ADGRA2: variants seen among roughly 807,000 people sequenced by gnomAD.
ADGRA2 encodes G-protein coupled receptor 124.
A neutral mutation model predicts 98.7 loss-of-function variants in ADGRA2; 61 were observed. That is an observed-to-expected ratio of 0.62 (90% confidence interval 0.50 to 0.76). The LOEUF is 0.76. ADGRA2 is among the 30% of genes least tolerant of loss of function. The pLI is 0.00. For synonymous variants in ADGRA2, 858 were observed against 831.5 expected, an observed-to-expected ratio of 1.03 and a Z score of -0.55; for missense variants, 1,712 against 1,860.0, an observed-to-expected ratio of 0.92 and a Z score of 1.46.
chr8:37,827,646 G>A (rs575877387), intron 2 of ADGRA2, among the ~76,000 whole-genome samples: 2 of 152,358 alleles, frequency 1.3e-5, no homozygotes, highest in South Asian at 4.1e-4. Flanking sequence ...GAGACCCATG[G>A]AGAAGACAGG....
chr8:37,830,701 C>T lies in ADGRA2; in HGVS notation c.719-9C>T. ...ACTCGGGCCTCACGCCTGGTGTCTC[C>T]TCCCACAGAGGGGGCCCTGGAGCTG... On this transcript the variant is annotated splice_polypyrimidine_tract_variant and intron_variant, in intron 6 of 18. Transcript: ENST00000412232. The surrounding 1 kb of genome is among the most constrained non-coding windows in gnomAD (Gnocchi z 4.8). 1 of 1,588,132 alleles carries T rather than the reference C, an allele frequency of 6.3e-7. No individual in the cohort carries two copies. Among genetic ancestry groups the T allele is most frequent in the Non-Finnish European group, 8.6e-7 (1 of 1,167,044 alleles).
chr8:37,830,548 A>T lies in ADGRA2; in HGVS notation c.719-162A>T, dbSNP rs1353976868. Among the ~76,000 whole-genome samples, 1 of 151,418 alleles carries T rather than the reference A, an allele frequency of 6.6e-6. No homozygotes were observed. The highest frequency in any genetic ancestry group is 2.4e-5 in the African/African-American group (1 of 41,134). On this transcript the variant is annotated intron_variant, in intron 6 of 18. Transcript: ENST00000412232. The surrounding 1 kb of genome is among the most constrained non-coding windows in gnomAD (Gnocchi z 4.8). ...CCGCCTGTCCCTCCCCTTTACCCTT[A>T]CCCCTAGAGACTTTCTCTTGACCCC... is the stretch of plus-strand genomic sequence containing the variant.
chr8:37,838,493 T>G (rs918056369), intron 14 of ADGRA2, among the ~76,000 whole-genome samples: 3 of 151,940 alleles, frequency 2.0e-5, no homozygotes, highest in Admixed American at 6.6e-5. Flanking sequence ...CCTCAAATGA[T>G]CCGCCCGCCT....
At chr8:37,836,593 GATTCCACTGTTACTCCCACCATCC>G (rs1805623052) in intron 13 of ADGRA2, among the ~76,000 whole-genome samples, 1 of 152,094 alleles carries the variant, frequency 6.6e-6, no homozygotes, top group Non-Finnish European at 1.5e-5. Flanking sequence ...TTCTGCCAGT[GATTCCACTGTTACTCCCACCATCC>G]ACGCTGACAC....
chr8:37,837,266 C>T (rs970145916), intron 13 of ADGRA2, among the ~76,000 whole-genome samples: 5 of 152,246 alleles, frequency 3.3e-5, no homozygotes, highest in Admixed American at 2.0e-4. Context: ...TGGGTTGAGG[C>T]GGGTGGGTGA....
intron 1 of ADGRA2, among the ~76,000 whole-genome samples, chr8:37,812,159 T>TTGTTGTTGG (rs1804851470): frequency 7.5e-6 from 1 of 133,072 alleles, no homozygotes; most frequent in South Asian, 2.5e-4. Context: ...AATGGTGTTG[T>TTGTTGTTGG]TGTTGTTGTT....
At position 37,830,000 on chromosome 8, in the gene ADGRA2, C is replaced by A; in HGVS notation, c.704C>A (p.Ala235Asp). 2 of 1,575,684 alleles carry A rather than the reference C, an allele frequency of 1.3e-6. No homozygotes were observed. Among genetic ancestry groups the A allele is most frequent in the Non-Finnish European group, 1.7e-6 (2 of 1,164,540 alleles). Residue 235 changes from alanine (A) to aspartate (D), a missense_variant, in exon 6 of 19, where the codon GCC (alanine) becomes GAC (aspartate). Ala to Asp is a moderately radical substitution (Grantham distance 126). Transcript: ENST00000412232. ...CAGGCCCTGGGCAGCCTCCAGGAGG[C>A]CCAGCTCTGCTGCGGTGAGCAAGTC... ...HAQALGSLQE[A>D]QLCCEGALEL...
chr8:37,834,168 AG>A lies in ADGRA2; in HGVS notation c.1608+42del, dbSNP rs765904542. 1.9e-6 allele frequency: 3 copies of A among 1,559,160 alleles called. No homozygotes were observed. The highest frequency in any genetic ancestry group is 2.6e-6 in the Non-Finnish European group (3 of 1,146,118). ...CAGAGGGGGTGGCCCTGGCATGCAG[AG>A]GAGGGAGGCGCTCCCTCTCAGGCGT... On this transcript the variant is annotated intron_variant, in intron 11 of 18. Transcript: ENST00000412232. This position sits in a 1 kb window ranked among gnomAD's most constrained non-coding sequence, Gnocchi z 4.2.
At chr8:37,838,596 C>T (rs1014145787) in intron 14 of ADGRA2, among the ~76,000 whole-genome samples, 1 of 152,166 alleles carries the variant, frequency 6.6e-6, no homozygotes, top group East Asian at 1.9e-4. Flanking sequence ...TCTGGGAACC[C>T]TTCTCCTTCC....
At position 37,840,806 on chromosome 8, in the gene ADGRA2, A is replaced by G. The variant is rs1446373779; in HGVS notation, c.2704A>G (p.Thr902Ala). Reference protein sequence around the residue: ...GGIPLIICGITAAVNIHNYRD... With the variant: ...GGIPLIICGIAAAVNIHNYRD... ...GATTCCACTCATTATCTGTGGCATC[A>G]CAGCTGCAGTCAACATCCACAACTA... The change falls in exon 18 of 19, where the codon ACA (threonine) becomes GCA (alanine). Residue 902 changes from threonine (T) to alanine (A), a missense_variant. Thr to Ala is a moderately conservative substitution (Grantham distance 58). Transcript: ENST00000412232. 1.2e-6 allele frequency: 2 copies of G among 1,610,392 alleles called. No homozygotes were observed. Among genetic ancestry groups the G allele is most frequent in the South Asian group, 2.2e-5 (2 of 90,880 alleles).
chr8:37,808,619 A>G (rs774589583), intron 1 of ADGRA2, among the ~76,000 whole-genome samples: 1 of 151,484 alleles, frequency 6.6e-6, no homozygotes, highest in Non-Finnish European at 1.5e-5. Flanking sequence ...CATCCCCATC[A>G]GCAGTGCTGT....
At chr8:37,838,003 TG>T in intron 14 of ADGRA2, 64 bp downstream of exon 14, 1 of 1,260,620 alleles carries the variant, frequency 7.9e-7, no homozygotes, top group South Asian at 1.6e-5. Flanking sequence ...AAAATGGGGG[TG>T]GGTGTACTCT....
At chr8:37,801,819 CT>C (rs1457950287) in intron 1 of ADGRA2, among the ~76,000 whole-genome samples, 1 of 152,208 alleles carries the variant, frequency 6.6e-6, no homozygotes, top group African/African-American at 2.4e-5. Flanking sequence ...GAGGGCCTCG[CT>C]GCTCACCTGG....
intron 3 of ADGRA2, 89 bp from the exon 4 acceptor site, chr8:37,829,172 C>G: frequency 1.9e-6 from 2 of 1,033,662 alleles, no homozygotes; most frequent in South Asian, 1.3e-5. Flanking sequence ...CCCCCCAACA[C>G]AAGCCCTGGC....
At chr8:37,831,730 C>T in intron 8 of ADGRA2, 143 bp downstream of exon 8, 1 of 710,802 alleles carries the variant, frequency 1.4e-6, no homozygotes. Context: ...TGTCATTCAG[C>T]CTGAAGCCTT....
At chr8:37,825,935 A>G (rs1403008077) in intron 2 of ADGRA2, among the ~76,000 whole-genome samples, 1 of 152,140 alleles carries the variant, frequency 6.6e-6, no homozygotes, top group African/African-American at 2.4e-5. Context: ...GGGAGAAGGC[A>G]TGCCCACCCT....
intron 2 of ADGRA2, among the ~76,000 whole-genome samples, chr8:37,816,262 C>G (rs1244373802): frequency 6.8e-6 from 1 of 146,278 alleles, no homozygotes; most frequent in Non-Finnish European, 1.5e-5. Flanking sequence ...TGCACTCCAG[C>G]CTGTGTAACA....
Position 37,843,820 on chromosome 8 carries a change from G to A in ADGRA2, c.*1465G>A, listed in dbSNP as rs1805890822. ...ACCCTGCCAATGCCTTAGCACTGGA[G>A]AGCTTTTTGCAATATGCTGGGGAAA... is the stretch of plus-strand genomic sequence containing the variant. On this transcript the variant is annotated 3_prime_UTR_variant, in exon 19 of 19. Coordinates refer to ENST00000412232, the MANE Select transcript of ADGRA2 (RefSeq NM_032777.10). 1 of 152,734 alleles carries A rather than the reference G, an allele frequency of 6.5e-6. No homozygotes were observed. Among genetic ancestry groups the A allele is most frequent in the Non-Finnish European group, 1.5e-5 (1 of 68,148 alleles). The allele number at this position is 152,734 out of a possible 1,614,324, so 9.5% of individuals were successfully genotyped here.
At chr8:37,826,577 G>A (rs947005952) in intron 2 of ADGRA2, among the ~76,000 whole-genome samples, 3 of 151,762 alleles carry the variant, frequency 2.0e-5, no homozygotes, top group Non-Finnish European at 2.9e-5. Context: ...TGAGTCCTTC[G>A]AGTCCTTCCT....
Sources: gnomAD v4.1 joint callset for allele counts (sites outside exome capture counted in the v4.1 genomes callset) on GRCh38, gnomAD v4.1.1 for gene constraint, Gnocchi (gnomAD v3.1) non-coding constraint, MANE v1.5 for transcripts, NCBI Gene and HGNC (gene_info 2026-07-23, HGNC 2026-07-21) for gene names.